The following SORCS1 variants were observed in gnomAD, a reference collection of about 807,000 sequenced individuals.
SORCS1 encodes VPS10 domain-containing receptor SorCS1.
A neutral mutation model predicts 146.1 loss-of-function variants in SORCS1; 60 were observed. That is an observed-to-expected ratio of 0.41 (90% CI 0.33 to 0.51). The LOEUF (loss-of-function observed/expected upper bound fraction) is 0.51. SORCS1 is among the 20% of genes least tolerant of loss of function. The pLI, the probability that SORCS1 is intolerant of heterozygous loss-of-function variation, is 0.21. For synonymous variants in SORCS1, 637 were observed against 584.0 expected (o/e 1.09, Z -1.31); for missense variants, 1,352 against 1,487.6 (o/e 0.91, Z 1.50).
At chr10:107,152,700 T>C (rs1296381011) in intron 1 of SORCS1, among the ~76,000 whole-genome samples, 1 of 152,182 alleles carries the variant, frequency 6.6e-6, no homozygotes, top group African/African-American at 2.4e-5. Context: ...TGATTGTAAG[T>C]TTCTGGAGGC....
chr10:106,710,849 C>T (rs932936122), intron 6 of SORCS1, among the ~76,000 whole-genome samples: 4 of 152,136 alleles, frequency 2.6e-5, no homozygotes, highest in Admixed American at 2.6e-4. Context: ...AACTTTCTAC[C>T]ACTTTAAAGA....
chr10:107,056,459 T>A (rs1197951651), intron 1 of SORCS1, among the ~76,000 whole-genome samples: 1 of 152,196 alleles, frequency 6.6e-6, no homozygotes, highest in Non-Finnish European at 1.5e-5. Flanking sequence ...CCTTTTAATT[T>A]TAATTGTTCT....
intron 1 of SORCS1, among the ~76,000 whole-genome samples, chr10:106,987,823 C>T (rs1001181029): frequency 6.6e-6 from 1 of 152,132 alleles, no homozygotes; most frequent in Non-Finnish European, 1.5e-5. Flanking sequence ...GTTCTGTCTA[C>T]TTTCTTAACC....
At chr10:106,781,618 T>C (rs1860901257) in intron 3 of SORCS1, among the ~76,000 whole-genome samples, 1 of 152,202 alleles carries the variant, frequency 6.6e-6, no homozygotes, top group Admixed American at 6.5e-5. Context: ...AAAAGTCTAT[T>C]TGCAAACCTC....
intron 23 of SORCS1, 71 bp downstream of exon 23, chr10:106,607,095 T>C: frequency 6.3e-7 from 1 of 1,574,996 alleles, no homozygotes; most frequent in Non-Finnish European, 8.6e-7. Flanking sequence ...GGGTCAGAAA[T>C]GGAGGCTTAG....
intron 1 of SORCS1, among the ~76,000 whole-genome samples, chr10:107,135,825 A>G (rs899041779): frequency 2.6e-5 from 4 of 152,210 alleles, no homozygotes; most frequent in Admixed American, 2.0e-4. Flanking sequence ...TTTCTTTTTT[A>G]AAGTATTATT....
At chr10:107,170,581 T>C in the SORCS1 span, among the ~76,000 whole-genome samples, 1 of 152,222 alleles carries the variant, frequency 6.6e-6, no homozygotes, top group Non-Finnish European at 1.5e-5. Flanking sequence ...TACAACTCTA[T>C]AAAATGTACA....
At chr10:106,617,762 C>A (rs1847470320) in intron 21 of SORCS1, among the ~76,000 whole-genome samples, 1 of 151,634 alleles carries the variant, frequency 6.6e-6, no homozygotes, top group South Asian at 2.1e-4. Context: ...TGGCAGATTT[C>A]CCTTATTAGT....
intron 5 of SORCS1, among the ~76,000 whole-genome samples, chr10:106,733,804 A>G (rs1168335564): frequency 1.3e-5 from 2 of 152,346 alleles, no homozygotes; most frequent in East Asian, 3.9e-4. Context: ...GACTTCTGGT[A>G]TTAAGTATAA....
chr10:106,773,461 G>A (rs55742528), intron 4 of SORCS1, among the ~76,000 whole-genome samples: 22,838 of 152,092 alleles, frequency 0.15, 1,802 homozygotes, highest in East Asian at 0.22. Flanking sequence ...CCCTTCCAGC[G>A]AATGCCCCAC....
chr10:107,007,828 GCTTA>G (rs72241204), intron 1 of SORCS1, among the ~76,000 whole-genome samples: 22,620 of 151,898 alleles, frequency 0.15, 5,517 homozygotes, highest in African/African-American at 0.51. Flanking sequence ...GCCCAATTAC[GCTTA>G]CTTGATAGCT....
At chr10:106,636,158 G>T (rs975448333) in intron 18 of SORCS1, among the ~76,000 whole-genome samples, 1 of 152,082 alleles carries the variant, frequency 6.6e-6, no homozygotes, top group African/African-American at 2.4e-5. Context: ...ACTTCACGAG[G>T]CTGAAGTGAG....
chr10:106,675,048 C>T lies in SORCS1; in HGVS notation c.1940+1G>A, dbSNP rs1447669165. ...GGACCACATCATACTTTTCAACTTA[C>T]GTCATGATGAGAGTCTCTTCTCCAG... On this transcript the variant is annotated splice_donor_variant, in intron 14 of 25. Transcript: ENST00000263054. LOFTEE classifies it high-confidence loss of function. 5 of 1,608,534 alleles carry T rather than the reference C, an allele frequency of 3.1e-6. No individual in the cohort carries two copies. Among genetic ancestry groups the T allele is most frequent in the East Asian group, 2.2e-5 (1 of 44,864 alleles).
intron 1 of SORCS1, among the ~76,000 whole-genome samples, chr10:107,055,104 A>T (rs2134075412): frequency 6.6e-6 from 1 of 152,306 alleles, no homozygotes; most frequent in Non-Finnish European, 1.5e-5. Flanking sequence ...ATTTTGAATC[A>T]TGGGACCAGG....
At chr10:106,872,914 C>T (rs576913919) in intron 2 of SORCS1, among the ~76,000 whole-genome samples, 14 of 152,246 alleles carry the variant, frequency 9.2e-5, no homozygotes, top group Admixed American at 2.0e-4. Context: ...GTGGCTCACA[C>T]GTGTAATCCC....
chr10:107,077,114 A>T (rs772554118), intron 1 of SORCS1, among the ~76,000 whole-genome samples: 1 of 151,908 alleles, frequency 6.6e-6, no homozygotes, highest in Non-Finnish European at 1.5e-5. Flanking sequence ...GACTGTTTCT[A>T]TTGACCTAAA....
intron 5 of SORCS1, among the ~76,000 whole-genome samples, chr10:106,744,731 G>C (rs757664480): frequency 6.6e-6 from 1 of 152,298 alleles, no homozygotes; most frequent in Non-Finnish European, 1.5e-5. Context: ...GGAGCAGCCA[G>C]GCTTGCTTTT....
intron 1 of SORCS1, among the ~76,000 whole-genome samples, chr10:107,084,257 G>A (rs1283015106): frequency 6.8e-6 from 1 of 148,148 alleles, no homozygotes; most frequent in African/African-American, 2.6e-5. Flanking sequence ...CACCATACCC[G>A]GCTAATTTTT....
At chr10:106,804,602 C>T (rs1263634877) in intron 3 of SORCS1, among the ~76,000 whole-genome samples, 1 of 151,756 alleles carries the variant, frequency 6.6e-6, no homozygotes, top group African/African-American at 2.4e-5. Flanking sequence ...AAAAGAAATG[C>T]CAAATGTAAG....
Sources: gnomAD v4.1 joint callset for allele counts (sites outside exome capture counted in the v4.1 genomes callset) on GRCh38, gnomAD v4.1.1 for gene constraint, MANE v1.5 for transcripts, NCBI Gene and HGNC (gene_info 2026-07-23, HGNC 2026-07-21) for gene names.